Variants in ZCCHC17 observed in about 807,000 individuals in gnomAD.
ZCCHC17 encodes zinc finger CCHC-type containing 17.
ZCCHC17 carries 18 observed loss-of-function variants against 30.6 expected under a neutral mutation model. That is an observed-to-expected ratio of 0.59 (90% CI 0.41 to 0.87). The LOEUF is 0.87. ZCCHC17 is among the 40% of genes least tolerant of loss of function. ZCCHC17 has a pLI of 0.00. For synonymous variants in ZCCHC17, 88 were observed against 92.4 expected (o/e 0.95, Z 0.27); for missense variants, 263 against 284.2 (o/e 0.93, Z 0.54).
At chr1:31,310,996 G>A (rs1407514077) in intron 2 of ZCCHC17, among the ~76,000 whole-genome samples, 3 of 152,132 alleles carry the variant, frequency 2.0e-5, no homozygotes, top group Non-Finnish European at 4.4e-5. Flanking sequence ...CTCTTGCCTG[G>A]TCTTTACTGG....
At chr1:31,338,543 A>T (rs1188014020) in intron 4 of ZCCHC17, among the ~76,000 whole-genome samples, 1 of 152,214 alleles carries the variant, frequency 6.6e-6, no homozygotes, top group Non-Finnish European at 1.5e-5. Flanking sequence ...CAATGTGACA[A>T]ATGTCTTCAT....
rs189316198 is a variant in ZCCHC17 at position 31,358,600 on chromosome 1, G to A, written c.565-5432G>A. On this transcript the variant is annotated intron_variant, in intron 7 of 7. Coordinates refer to ENST00000344147, the MANE Select transcript of ZCCHC17 (RefSeq NM_016505.4). ...TGGACTGTGTAACTGGAAGATTTGA[G>A]TTAAGAGAAGGAATGCAGGAGAAGT... 3.7e-4 allele frequency among the ~76,000 whole-genome samples: 57 copies of A among 152,148 alleles called. 1 individual carries two copies. The highest frequency in any genetic ancestry group is 1.3e-3 in the African/African-American group (56 of 41,504).
chr1:31,348,817 T>C lies in ZCCHC17; in HGVS notation c.419-12T>C. The C allele has an allele frequency of 6.2e-7, 1 of 1,612,266 alleles. No homozygotes were observed. ...TTCCTTTTTCTATACCTTTTCTACT[T>C]TTCTTCTGCAGGCCACTTTGCAAAA... On this transcript the variant is annotated splice_polypyrimidine_tract_variant and intron_variant, in intron 6 of 7. Transcript: ENST00000344147.
At chr1:31,349,556 C>T (rs1028020118) in intron 7 of ZCCHC17, among the ~76,000 whole-genome samples, 1 of 152,122 alleles carries the variant, frequency 6.6e-6, no homozygotes, top group African/African-American at 2.4e-5. Context: ...TGATCTCAAA[C>T]TCCTGGCCTC....
Position 31,364,177 on chromosome 1 carries a change from A to G in ZCCHC17, c.710A>G (p.Lys237Arg). ...AAGAAAAAGAAGAAGAAGCACAAGA[A>G]GAAGCACAAGGAGTGAGAGTATAAA... ...KKKKKKKKHK[K>R]KHKE is the part of the protein sequence containing the mutation. Residue 237 changes from lysine to arginine, a missense_variant, in exon 8 of 8, where the codon AAG becomes AGG. Lys to Arg is a conservative substitution (Grantham distance 26). Coordinates refer to ENST00000344147, the MANE Select transcript of ZCCHC17 (RefSeq NM_016505.4). The G allele has an allele frequency of 6.2e-7, 1 of 1,613,668 alleles. No homozygotes were observed. The highest frequency in any genetic ancestry group is 8.5e-7 in the Non-Finnish European group (1 of 1,179,898).
At chr1:31,349,456 G>A (rs1639391944) in intron 7 of ZCCHC17, among the ~76,000 whole-genome samples, 1 of 151,948 alleles carries the variant, frequency 6.6e-6, no homozygotes, top group Admixed American at 6.5e-5. Flanking sequence ...TCAGCCAACT[G>A]AGTAGCTGGA....
intron 5 of ZCCHC17, among the ~76,000 whole-genome samples, chr1:31,339,518 ATAAAG>A (rs1638955243): frequency 6.6e-6 from 1 of 152,232 alleles, no homozygotes; most frequent in Admixed American, 6.5e-5. Context: ...AAAAAATAAA[ATAAAG>A]TAATAAAATA....
At chr1:31,330,531 G>A (rs1418839522) in intron 3 of ZCCHC17, among the ~76,000 whole-genome samples, 1 of 152,186 alleles carries the variant, frequency 6.6e-6, no homozygotes, top group Non-Finnish European at 1.5e-5. Flanking sequence ...TGGAGCATAT[G>A]CTAGAACAGA....
intron 7 of ZCCHC17, among the ~76,000 whole-genome samples, chr1:31,353,332 C>G (rs1305680578): frequency 6.6e-6 from 1 of 151,982 alleles, no homozygotes; most frequent in Non-Finnish European, 1.5e-5. Flanking sequence ...TGTTTTTTTA[C>G]TCTGTTGATA....
chr1:31,313,518 T>C (rs1646655904), intron 2 of ZCCHC17, among the ~76,000 whole-genome samples: 1 of 152,240 alleles, frequency 6.6e-6, no homozygotes, highest in African/African-American at 2.4e-5. Flanking sequence ...CAGTTATAGA[T>C]AATTGTGGCT....
At chr1:31,304,321 T>G (rs1646393100) in intron 1 of ZCCHC17, among the ~76,000 whole-genome samples, 1 of 151,276 alleles carries the variant, frequency 6.6e-6, no homozygotes, top group African/African-American at 2.4e-5. Flanking sequence ...CAGGGTGGAG[T>G]TGCCCAGGGT....
At chr1:31,350,798 C>T (rs1422905992) in intron 7 of ZCCHC17, among the ~76,000 whole-genome samples, 4 of 152,082 alleles carry the variant, frequency 2.6e-5, no homozygotes, top group African/African-American at 9.7e-5. Flanking sequence ...GACAGGGTTT[C>T]ACCATGTTGG....
At chr1:31,319,468 G>T (rs182671111) in intron 3 of ZCCHC17, among the ~76,000 whole-genome samples, 13 of 152,050 alleles carry the variant, frequency 8.5e-5, no homozygotes, top group Non-Finnish European at 1.0e-4. Context: ...CAGGATTTGC[G>T]GGAGGGCAAG....
chr1:31,347,384 T>C (rs1020063894), intron 6 of ZCCHC17, among the ~76,000 whole-genome samples: 1 of 152,180 alleles, frequency 6.6e-6, no homozygotes. Context: ...CCGTCTACCC[T>C]ACTGTGTGAT....
chr1:31,306,756 C>G (rs1646469208), intron 1 of ZCCHC17, among the ~76,000 whole-genome samples: 1 of 152,204 alleles, frequency 6.6e-6, no homozygotes, highest in Non-Finnish European at 1.5e-5. Flanking sequence ...CAGCCTTGAT[C>G]TCCTTGGCTC....
intron 7 of ZCCHC17, among the ~76,000 whole-genome samples, chr1:31,350,895 C>A (rs1639446644): frequency 6.6e-6 from 1 of 152,190 alleles, no homozygotes; most frequent in Non-Finnish European, 1.5e-5. Context: ...AGCCTCCGCG[C>A]CTGGCAAACT....
At chr1:31,346,517 A>G (rs1639278153) in intron 5 of ZCCHC17, 123 bp from the exon 6 acceptor site, 1 of 1,169,518 alleles carries the variant, frequency 8.6e-7, no homozygotes, top group Non-Finnish European at 1.2e-6. Flanking sequence ...CGTTCTGTCA[A>G]AAACTTTCTT....
intron 7 of ZCCHC17, among the ~76,000 whole-genome samples, chr1:31,352,304 C>T (rs1479530495): frequency 3.3e-5 from 5 of 152,150 alleles, no homozygotes; most frequent in African/African-American, 7.2e-5. Context: ...TAAACAATAA[C>T]GCCCCCCATT....
intron 2 of ZCCHC17, among the ~76,000 whole-genome samples, chr1:31,316,460 T>C (rs189549743): frequency 1.1e-4 from 17 of 152,332 alleles, no homozygotes; most frequent in Admixed American, 9.8e-4. Context: ...TGTTACACAG[T>C]ATGAGACTTT....
Sources: allele counts gnomAD v4.1 joint callset (sites outside exome capture counted in the v4.1 genomes callset), GRCh38; gene constraint gnomAD v4.1.1; transcripts MANE v1.5; gene names NCBI Gene and HGNC (gene_info 2026-07-23, HGNC 2026-07-21).